TMEM248: variants seen among roughly 807,000 people sequenced by gnomAD.
TMEM248 encodes transmembrane protein 248.
TMEM248 carries 9 observed loss-of-function variants against 30.3 expected under a neutral mutation model. That is an observed-to-expected ratio of 0.30 (90% confidence interval 0.18 to 0.52). The LOEUF (loss-of-function observed/expected upper bound fraction) is 0.52, where lower values mean the gene tolerates loss of function less well. Among genes scored for constraint, TMEM248 ranks in the 20% least tolerant of loss-of-function variants. TMEM248 has a pLI of 0.97. For missense variants in TMEM248, 338 were observed against 403.3 expected, an observed-to-expected ratio of 0.84 and a Z score of 1.39; for synonymous variants, 184 against 154.4, an observed-to-expected ratio of 1.19 and a Z score of -1.42.
chr7:66,930,453 G>A (rs146512449), intron 1 of TMEM248, among the ~76,000 whole-genome samples: 387 of 152,302 alleles, frequency 2.5e-3, no homozygotes, highest in Non-Finnish European at 3.5e-3. Flanking sequence ...AAAACCCGGA[G>A]TGGAAACTGG....
chr7:66,953,900 C>G (rs1020310035), intron 6 of TMEM248, among the ~76,000 whole-genome samples: 1 of 151,164 alleles, frequency 6.6e-6, no homozygotes, highest in South Asian at 2.1e-4. Context: ...GCCACTGTGC[C>G]CAGCTCATCC....
At chr7:66,946,964 A>G (rs1483375217) in intron 3 of TMEM248, among the ~76,000 whole-genome samples, 1 of 152,190 alleles carries the variant, frequency 6.6e-6, no homozygotes, top group Admixed American at 6.5e-5. Context: ...CTGTAATCCC[A>G]GCACATTGAG....
At chr7:66,948,463 G>C in intron 3 of TMEM248, 81 bp from the exon 4 acceptor site, 2 of 1,509,418 alleles carry the variant, frequency 1.3e-6, no homozygotes, top group Non-Finnish European at 1.8e-6. Context: ...GTGTGGGTTT[G>C]ATTTCAGGAT....
intron 1 of TMEM248, among the ~76,000 whole-genome samples, chr7:66,936,985 T>C (rs914245036): frequency 6.6e-6 from 1 of 152,188 alleles, no homozygotes; most frequent in Non-Finnish European, 1.5e-5. Context: ...CTTGTTTTTC[T>C]AATTCTTTAA....
chr7:66,944,838 G>T (rs896989127), intron 2 of TMEM248, 138 bp from the exon 3 acceptor site: 4 of 889,764 alleles, frequency 4.5e-6, no homozygotes, highest in East Asian at 5.2e-5. Flanking sequence ...TGGCCGAGTT[G>T]TCATGATCTT....
intron 3 of TMEM248, among the ~76,000 whole-genome samples, chr7:66,945,758 G>A (rs1025691665): frequency 2.6e-5 from 4 of 151,888 alleles, no homozygotes; most frequent in African/African-American, 9.7e-5. Context: ...TGAGACCAGC[G>A]TGGGCAACAT....
chr7:66,938,833 A>T (rs1486340093), intron 1 of TMEM248, among the ~76,000 whole-genome samples: 1 of 152,226 alleles, frequency 6.6e-6, no homozygotes, highest in African/African-American at 2.4e-5. Context: ...ATGGCAAAAG[A>T]TACCATAAAC....
chr7:66,948,328 G>A (rs975035263), intron 3 of TMEM248, among the ~76,000 whole-genome samples: 1 of 152,276 alleles, frequency 6.6e-6, no homozygotes, highest in Middle Eastern at 3.4e-3. Context: ...GCCATGTACT[G>A]GAAAGTGGCC....
intron 1 of TMEM248, among the ~76,000 whole-genome samples, chr7:66,935,419 G>A (rs1447476775): frequency 1.3e-5 from 2 of 152,158 alleles, no homozygotes; most frequent in Non-Finnish European, 2.9e-5. Context: ...CTGACCTCAG[G>A]TGATCCACCC....
intron 2 of TMEM248, among the ~76,000 whole-genome samples, chr7:66,943,422 T>C (rs1406177074): frequency 1.3e-5 from 2 of 152,206 alleles, no homozygotes; most frequent in Non-Finnish European, 2.9e-5. Flanking sequence ...GTTGAGATGC[T>C]GCGGAACTTT....
rs1792449768 is a variant in TMEM248, at chr7:66,958,338, C to T, written c.*2816C>T. 6.5e-6 allele frequency: 1 copy of T among 152,682 alleles called. No individual in the cohort carries two copies. The highest frequency in any genetic ancestry group is 2.1e-4 in the South Asian group (1 of 4,830). The allele number at this position is 152,682 out of a possible 1,614,324, so 9.5% of individuals were successfully genotyped here. A position where few individuals can be genotyped will look rare whatever the true frequency, so the allele number is the denominator to read the frequency against. On this transcript the variant is annotated 3_prime_UTR_variant, in exon 7 of 7. Coordinates refer to ENST00000341567, the MANE Select transcript of TMEM248 (RefSeq NM_017994.5). ...TCTTGTCGTGAGGCACCTGCCATGT[C>T]TGTTGCGTTTTCCTCGGCAGCGTGT...
chr7:66,948,151 G>A (rs1011839073), intron 3 of TMEM248, among the ~76,000 whole-genome samples: 1 of 152,182 alleles, frequency 6.6e-6, no homozygotes, highest in African/African-American at 2.4e-5. Flanking sequence ...GGGAACAGCT[G>A]CACTTCTTCA....
chr7:66,945,296 G>A, intron 3 of TMEM248, 35 bp downstream of exon 3: 1 of 1,598,032 alleles, frequency 6.3e-7, no homozygotes, highest in African/African-American at 1.3e-5. Flanking sequence ...AGGCTCCTTA[G>A]GCAACCACTG....
chr7:66,927,639 T>A lies in TMEM248; in HGVS notation c.-19+6178T>A, dbSNP rs868219218. Among the ~76,000 whole-genome samples, 1,185 of 150,086 alleles carry A rather than the reference T, an allele frequency of 7.9e-3. 16 individuals carry two copies. The highest frequency in any genetic ancestry group is 0.026 in the African/African-American group (1,073 of 41,102). ...TTTGGGTTTTGTTTTTTTTTTTTTT[T>A]AGGGACGGGGTCTCACTGTGTTGTC... is the stretch of plus-strand genomic sequence containing the variant. On this transcript the variant is annotated intron_variant, in intron 1 of 6. Coordinates refer to ENST00000341567, the MANE Select transcript of TMEM248 (RefSeq NM_017994.5).
chr7:66,955,420 G>A (rs1419489603), intron 6 of TMEM248, 82 bp from the exon 7 acceptor site: 3 of 1,512,624 alleles, frequency 2.0e-6, no homozygotes, highest in Non-Finnish European at 2.7e-6. Context: ...TGCAATTAGT[G>A]TGGCATCCTG....
At chr7:66,944,578 A>G (rs1346501714) in intron 2 of TMEM248, among the ~76,000 whole-genome samples, 2 of 152,242 alleles carry the variant, frequency 1.3e-5, no homozygotes, top group Admixed American at 1.3e-4. Flanking sequence ...TTATTTAAAG[A>G]AAAGAATTGT....
intron 5 of TMEM248, 85 bp downstream of exon 5, chr7:66,951,220 C>T: frequency 7.6e-7 from 1 of 1,309,662 alleles, no homozygotes; most frequent in Admixed American, 3.0e-5. Context: ...GGTGTAGGCC[C>T]TGCTGACTTC....
In TMEM248 at chr7:66,958,473, A is replaced by G. The variant is rs1792453900; in HGVS notation, c.*2951A>G. On this transcript the variant is annotated 3_prime_UTR_variant, in exon 7 of 7. Transcript: ENST00000341567. ...CATGATGGTCAGTAGCTGATCTGTT[A>G]TGGCATTCACTTCCAGATTAATTTT... 1 of 152,604 alleles carries G rather than the reference A, an allele frequency of 6.6e-6. No individual in the cohort carries two copies. Among genetic ancestry groups the G allele is most frequent in the African/African-American group, 2.4e-5 (1 of 41,434 alleles). 9.5% of individuals were successfully genotyped at this position (152,604 alleles called of 1,614,324 possible).
rs200106499 is a variant in TMEM248, at chr7:66,926,639, CAAAAA to C, written c.-19+5189_-19+5193del. ...TGACAGAGCAAGACTCCATCTGAAACAAAAAAAAAAAAAAAGAAAAGAAAGAAAAA... is the reference window on the plus strand; with the variant it reads ...TGACAGAGCAAGACTCCATCTGAAACAAAAAAAAAAGAAAAGAAAGAAAAA... On this transcript the variant is annotated intron_variant, in intron 1 of 6. Coordinates refer to ENST00000341567, the MANE Select transcript of TMEM248 (RefSeq NM_017994.5). 5.3e-4 allele frequency among the ~76,000 whole-genome samples: 46 copies of C among 86,606 alleles called. No homozygotes were observed. The South Asian group carries it at 0.01, about 20-fold the overall frequency. The allele number at this position is 86,606 out of a possible 152,430, so 56.8% of individuals were successfully genotyped here. A position where few individuals can be genotyped will look rare whatever the true frequency, so the allele number is the denominator to read the frequency against.
Sources: gnomAD v4.1 joint callset for allele counts (sites outside exome capture counted in the v4.1 genomes callset) on GRCh38, gnomAD v4.1.1 for gene constraint, MANE v1.5 for transcripts, NCBI Gene and HGNC (gene_info 2026-07-23, HGNC 2026-07-21) for gene names.